CNOT9: variants seen among roughly 807,000 people sequenced by gnomAD.
CNOT9 encodes RCD1 required for cell differentiation1 homolog.
Under a neutral mutation model 37.4 loss-of-function variants are expected in CNOT9, and 8 were observed. The ratio of observed to expected loss-of-function variants is 0.21; its 90% CI spans 0.13 to 0.39. The LOEUF is 0.39. Ranked by LOEUF, CNOT9 falls within the 10% of genes least tolerant of loss-of-function variation. The pLI is 1.00. For synonymous variants in CNOT9, 120 were observed against 137.6 expected, an observed-to-expected ratio of 0.87 and a Z score of 0.90; for missense variants, 154 against 365.3, an observed-to-expected ratio of 0.42 and a Z score of 4.71.
intron 1 of CNOT9, chr2:218,572,594 G>T (rs940560178): frequency 4.2e-6 from 3 of 712,328 alleles, no homozygotes; most frequent in African/African-American, 1.9e-5. Context: ...TCATGCTACC[G>T]CACTTCAGCT....
At chr2:218,569,770 T>C (rs1693908677) in intron 1 of CNOT9, among the ~76,000 whole-genome samples, 1 of 152,228 alleles carries the variant, frequency 6.6e-6, no homozygotes, top group East Asian at 1.9e-4. Flanking sequence ...TGAATGTTCT[T>C]CTTATCCCTC....
At chr2:218,570,798 A>G (rs1693963271) in intron 1 of CNOT9, among the ~76,000 whole-genome samples, 1 of 152,218 alleles carries the variant, frequency 6.6e-6, no homozygotes, top group Admixed American at 6.5e-5. Flanking sequence ...AAGCTGTGGT[A>G]CATTACTTAT....
At chr2:218,571,314 G>A (rs983251897) in intron 1 of CNOT9, among the ~76,000 whole-genome samples, 10 of 152,166 alleles carry the variant, frequency 6.6e-5, no homozygotes, top group African/African-American at 2.4e-4. Context: ...CTACTTGGGA[G>A]GCTAAGGAGG....
intron 2 of CNOT9, among the ~76,000 whole-genome samples, chr2:218,581,889 C>T (rs1694396904): frequency 6.6e-6 from 1 of 151,870 alleles, no homozygotes; most frequent in African/African-American, 2.4e-5. Context: ...TGAGACCAAC[C>T]TGGGCAACAT....
intron 3 of CNOT9, 141 bp from the exon 4 acceptor site, chr2:218,584,471 T>A: frequency 1.4e-6 from 1 of 709,526 alleles, no homozygotes; most frequent in Non-Finnish European, 2.6e-6. Flanking sequence ...TTGAGACTAA[T>A]GACCAGTAAC....
intron 1 of CNOT9, among the ~76,000 whole-genome samples, chr2:218,575,439 A>G (rs1694136078): frequency 7.2e-6 from 1 of 139,118 alleles, no homozygotes. Flanking sequence ...AGGCTGGAGT[A>G]CAGTGGCTCA....
chr2:218,590,302 C>G (rs1694730619), intron 5 of CNOT9, among the ~76,000 whole-genome samples: 1 of 152,172 alleles, frequency 6.6e-6, no homozygotes, highest in African/African-American at 2.4e-5. Context: ...CTCCTAAGCT[C>G]AGGCAATCTG....
In CNOT9 at chr2:218,583,111, G is replaced by C. The variant is rs138615700; in HGVS notation, c.320+25G>C. 4.4e-5 allele frequency: 63 copies of C among 1,440,320 alleles called. 1 individual carries two copies. The Middle Eastern group carries it at 7.0e-4, about 16-fold the overall frequency. The allele number at this position is 1,440,320 out of a possible 1,614,324, so 89.2% of individuals were successfully genotyped here. On this transcript the variant is annotated intron_variant, in intron 3 of 7. Coordinates refer to ENST00000273064, the MANE Select transcript of CNOT9 (RefSeq NM_005444.3). ...GGTAAATGCTTTGGGTGAGTCACTT[G>C]GGGGAGATATACATTGAATATGGTC... is the stretch of plus-strand genomic sequence containing the variant.
chr2:218,589,745 C>T (rs1264974792), intron 5 of CNOT9, among the ~76,000 whole-genome samples: 3 of 152,220 alleles, frequency 2.0e-5, no homozygotes, highest in Non-Finnish European at 4.4e-5. Flanking sequence ...GGGGCTCAAG[C>T]AGTCTTCCCA....
rs562389287 is a variant in CNOT9, at chr2:218,592,953, A to C, written c.731+246A>C. 1 of 504,180 alleles carries C rather than the reference A, an allele frequency of 2.0e-6. No individual in the cohort carries two copies. The highest frequency in any genetic ancestry group is 3.5e-6 in the Non-Finnish European group (1 of 283,340). 31.2% of individuals were successfully genotyped at this position (504,180 alleles called of 1,614,324 possible). On this transcript the variant is annotated intron_variant, in intron 7 of 7. Transcript: ENST00000273064. This position sits in a 1 kb window ranked among gnomAD's most constrained non-coding sequence, Gnocchi z 4.1. ...ATTCCAGAGAGTCTAGGCGATTCCA[A>C]AGGAAACCTTATGATGCATTACTCC...
chr2:218,579,242 T>G (rs1385039311), intron 1 of CNOT9, among the ~76,000 whole-genome samples: 1 of 152,238 alleles, frequency 6.6e-6, no homozygotes, highest in Non-Finnish European at 1.5e-5. Context: ...TAACAGTTCT[T>G]TATGTGTCCT....
intron 1 of CNOT9, among the ~76,000 whole-genome samples, chr2:218,579,658 T>G (rs1016045390): frequency 4.0e-5 from 6 of 151,764 alleles, no homozygotes. Context: ...AGCTAATTTT[T>G]TGTATTTTTA....
chr2:218,587,741 T>C, intron 5 of CNOT9, 46 bp downstream of exon 5: 1 of 963,428 alleles, frequency 1.0e-6, no homozygotes, highest in Non-Finnish European at 1.5e-6. Context: ...ACTCTTAAGC[T>C]GCTTCCTTAT....
rs955783199 is a variant in CNOT9 at position 218,584,598 on chromosome 2, T to C, written c.321-14T>C. On this transcript the variant is annotated splice_polypyrimidine_tract_variant and intron_variant, in intron 3 of 7. Transcript: ENST00000273064. ...CAACCCTGGGCTGTGAATGTAATTATTGTTTTCTTCCAGGTCAGCGTTTCT... is the reference window on the plus strand; with the variant it reads ...CAACCCTGGGCTGTGAATGTAATTACTGTTTTCTTCCAGGTCAGCGTTTCT... 4.4e-6 allele frequency: 7 copies of C among 1,588,982 alleles called. No homozygotes were observed. Among genetic ancestry groups the C allele is most frequent in the Non-Finnish European group, 5.2e-6 (6 of 1,157,198 alleles).
intron 7 of CNOT9, 47 bp from the exon 8 acceptor site, chr2:218,594,061 G>C (rs776085512): frequency 1.9e-6 from 3 of 1,589,350 alleles, no homozygotes; most frequent in South Asian, 2.2e-5. Context: ...ACAAAATGTG[G>C]GTTTATTTGT....
chr2:218,579,982 C>CTTT lies in CNOT9; in HGVS notation c.25-564_25-562dup, dbSNP rs35938584. 4.3e-3 allele frequency among the ~76,000 whole-genome samples: 496 copies of CTTT among 115,344 alleles called. 4 individuals are homozygous for CTTT. Among genetic ancestry groups the CTTT allele is most frequent in the African/African-American group, 0.015 (457 of 31,016 alleles). The allele number at this position is 115,344 out of a possible 152,430, so 75.7% of individuals were successfully genotyped here. ...TACAGGCATGCACCACCACACCTGG[C>CTTT]TTTTTTTTTTTTTTTTTGCTCTGTC... On this transcript the variant is annotated intron_variant, in intron 1 of 7. Coordinates refer to ENST00000273064, the MANE Select transcript of CNOT9 (RefSeq NM_005444.3).
At chr2:218,570,061 T>A (rs1021371393) in intron 1 of CNOT9, among the ~76,000 whole-genome samples, 1 of 152,142 alleles carries the variant, frequency 6.6e-6, no homozygotes, top group African/African-American at 2.4e-5. Flanking sequence ...GTTGACGTGG[T>A]TTCCCCGGTG....
chr2:218,583,188 A>AGC (rs1491456359), intron 3 of CNOT9, 102 bp downstream of exon 3: 2 of 518,720 alleles, frequency 3.9e-6, no homozygotes, highest in Non-Finnish European at 6.5e-6. Context: ...AGAGAGAGAG[A>AGC]ACGTTTGTGT....
In CNOT9 at chr2:218,592,228, C is replaced by T. The variant is rs1694804059; in HGVS notation, c.541-76C>T. ...CTCAATTTTCTGACTGATAGTCATG[C>T]CTGGGAAAATGAGTAGAAAATGAGA... On this transcript the variant is annotated intron_variant, in intron 5 of 7. Transcript: ENST00000273064. The surrounding 1 kb of genome is among the most constrained non-coding windows in gnomAD (Gnocchi z 4.1). 2.8e-6 allele frequency: 3 copies of T among 1,078,706 alleles called. No individual in the cohort carries two copies. The highest frequency in any genetic ancestry group is 1.4e-6 in the Non-Finnish European group (1 of 707,762). 66.8% of individuals were successfully genotyped at this position (1,078,706 alleles called of 1,614,324 possible). A position where few individuals can be genotyped will look rare whatever the true frequency, so the allele number is the denominator to read the frequency against.
Sources: gnomAD v4.1 joint callset for allele counts (sites outside exome capture counted in the v4.1 genomes callset) on GRCh38, gnomAD v4.1.1 for gene constraint, Gnocchi (gnomAD v3.1) non-coding constraint, MANE v1.5 for transcripts, NCBI Gene and HGNC (gene_info 2026-07-23, HGNC 2026-07-21) for gene names.